Variants in STX11 observed in about 807,000 individuals in gnomAD.
The protein encoded by STX11 is syntaxin-11.
In STX11, 21 loss-of-function variants were observed where a neutral mutation model predicts 19.9. The observed-to-expected ratio is 1.06, with a 90% CI of 0.75 to 1.52. STX11 has a LOEUF of 1.52. Among genes scored for constraint, STX11 ranks in the 40% most tolerant of loss-of-function variants. STX11 has a pLI of 0.00. For missense variants in STX11, 438 were observed against 405.9 expected (o/e 1.08, Z -0.68); for synonymous variants, 193 against 174.4 (o/e 1.11, Z -0.84).
rs768989885 is a variant in STX11, at chr6:144,176,182, A to G, written c.-5-10441A>G. Among the ~76,000 whole-genome samples the G allele has an allele frequency of 9.2e-5, 14 of 151,994 alleles. No individual in the cohort carries two copies. Among genetic ancestry groups the G allele is most frequent in the Admixed American group, 1.3e-4 (2 of 15,282 alleles). On this transcript the variant is annotated intron_variant, in intron 1 of 1. Transcript: ENST00000367568. The surrounding 1 kb of genome is among the most constrained non-coding windows in gnomAD (Gnocchi z 4.1). ...AGAGCAGAGAATATTGCTCCTTAAC[A>G]ACACTAGCGCCTCCCGACCTAGTAC...
chr6:144,179,546 G>A (rs905576719), intron 1 of STX11, among the ~76,000 whole-genome samples: 4 of 152,152 alleles, frequency 2.6e-5, no homozygotes, highest in East Asian at 1.9e-4. Flanking sequence ...CTCTGGTAGC[G>A]GGGATGTGTG....
Position 144,191,834 on chromosome 6 carries a change from G to C in STX11, c.*4343G>C, listed in dbSNP as rs1802213157. Among the ~76,000 whole-genome samples the C allele has an allele frequency of 6.6e-6, 1 of 152,194 alleles. No homozygotes were observed. Among genetic ancestry groups the C allele is most frequent in the Admixed American group, 6.5e-5 (1 of 15,278 alleles). ...TGTAACTTCATCATATAAATGATGA[G>C]TGTCTTTGTTATCAACACGTTATTA... On this transcript the variant is annotated 3_prime_UTR_variant, in exon 2 of 2. Transcript: ENST00000367568.
upstream of STX11, among the ~76,000 whole-genome samples, chr6:144,150,347 G>T (rs1436417195): frequency 6.6e-6 from 1 of 152,220 alleles, no homozygotes; most frequent in African/African-American, 2.4e-5. Flanking sequence ...GGAGGGGCTG[G>T]AGCGCGTCCC....
chr6:144,145,359 T>C, the STX11 span, among the ~76,000 whole-genome samples: 3 of 152,198 alleles, frequency 2.0e-5, no homozygotes, highest in Non-Finnish European at 4.4e-5. Flanking sequence ...GTCAAATTCA[T>C]TGAGGCAGAA....
chr6:144,149,472 A>AT (rs984472265), upstream of STX11, among the ~76,000 whole-genome samples: 2 of 151,474 alleles, frequency 1.3e-5, no homozygotes, highest in African/African-American at 2.4e-5. This position sits in a 1 kb window ranked among gnomAD's most constrained non-coding sequence, Gnocchi z 5.1. Flanking sequence ...CTTTAGTTTT[A>AT]TTTTTTTTCT....
chr6:144,184,545 G>A lies in STX11; in HGVS notation c.-5-2078G>A, dbSNP rs986739897. Among the ~76,000 whole-genome samples the A allele has an allele frequency of 2.6e-5, 4 of 152,196 alleles. No homozygotes were observed. Among genetic ancestry groups the A allele is most frequent in the Middle Eastern group, 3.2e-3 (1 of 316 alleles). ...TTGCATTTCCTTGTTTAATACAGAA[G>A]TCTTTTGTGACTATATTTTTATACT... On this transcript the variant is annotated intron_variant, in intron 1 of 1. Transcript: ENST00000367568. This position sits in a 1 kb window ranked among gnomAD's most constrained non-coding sequence, Gnocchi z 6.5.
At chr6:144,145,883 G>T (rs756766639), upstream of STX11, among the ~76,000 whole-genome samples, 1 of 152,082 alleles carries the variant, frequency 6.6e-6, no homozygotes. Flanking sequence ...GGTGGTGATG[G>T]TTACACCACA....
chr6:144,173,998 C>G (rs138001703), intron 1 of STX11, among the ~76,000 whole-genome samples: 14 of 152,330 alleles, frequency 9.2e-5, no homozygotes, highest in Admixed American at 8.5e-4. Flanking sequence ...GTTTCAAACA[C>G]AACGATTTAT....
In STX11 at chr6:144,180,317, A is replaced by G. The variant is rs1368868055; in HGVS notation, c.-5-6306A>G. ...AGGCATGTTGGGAACAATGACTTTC[A>G]CAATTGTTCTTTGTAGCATCCAGTG... is the stretch of plus-strand genomic sequence containing the variant. On this transcript the variant is annotated intron_variant, in intron 1 of 1. Transcript: ENST00000367568. This position sits in a 1 kb window ranked among gnomAD's most constrained non-coding sequence, Gnocchi z 5.3. Among the ~76,000 whole-genome samples the G allele has an allele frequency of 3.9e-5, 6 of 152,164 alleles. No individual in the cohort carries two copies. Among genetic ancestry groups the G allele is most frequent in the Non-Finnish European group, 8.8e-5 (6 of 68,030 alleles).
chr6:144,155,952 TTCTTTCTTTC>T lies in STX11; in HGVS notation c.-6+5251_-6+5260del. On this transcript the variant is annotated intron_variant, in intron 1 of 1. Coordinates refer to ENST00000367568, the MANE Select transcript of STX11 (RefSeq NM_003764.4). The surrounding 1 kb of genome is among the most constrained non-coding windows in gnomAD (Gnocchi z 4.5). The stretch of plus-strand genomic sequence containing the variant: ...GTTTTAAAATTTAATCTTTCTTTCT[TTCTTTCTTTC>T]TTTCTTTCTTTCTTTCTTTCTTTCT... 2.0e-5 allele frequency among the ~76,000 whole-genome samples: 1 copy of T among 50,372 alleles called. No individual in the cohort carries two copies. The highest frequency in any genetic ancestry group is 7.7e-4 in the South Asian group (1 of 1,292). The allele number at this position is 50,372 out of a possible 152,430, so 33.0% of individuals were successfully genotyped here.
rs1467335199 is a variant in STX11 at position 144,180,137 on chromosome 6, C to A, written c.-5-6486C>A. Among the ~76,000 whole-genome samples the A allele has an allele frequency of 6.6e-6, 1 of 152,176 alleles. No individual in the cohort carries two copies. Among genetic ancestry groups the A allele is most frequent in the Non-Finnish European group, 1.5e-5 (1 of 68,036 alleles). On this transcript the variant is annotated intron_variant, in intron 1 of 1. Coordinates refer to ENST00000367568, the MANE Select transcript of STX11 (RefSeq NM_003764.4). This position sits in a 1 kb window ranked among gnomAD's most constrained non-coding sequence, Gnocchi z 5.3. ...AAATTTCTCACTACTTGTAAAAATACTTTAACATCTTGCTGTGAAACAGGA... is the reference window on the plus strand; with the variant it reads ...AAATTTCTCACTACTTGTAAAAATAATTTAACATCTTGCTGTGAAACAGGA...
chr6:144,141,909 T>A, the STX11 span, among the ~76,000 whole-genome samples: 1 of 152,026 alleles, frequency 6.6e-6, no homozygotes, highest in African/African-American at 2.4e-5. Context: ...TTTGAACTTC[T>A]GGGCTCAAGC....
rs1801522721 is a variant in STX11, at chr6:144,167,799, T to C, written c.-6+17096T>C. ...GCTCTCGGCTAATTATTGTAGTTTG[T>C]TGTAGAGGTGGGGTTTCACCATGTT... On this transcript the variant is annotated intron_variant, in intron 1 of 1. Coordinates refer to ENST00000367568, the MANE Select transcript of STX11 (RefSeq NM_003764.4). This position sits in a 1 kb window ranked among gnomAD's most constrained non-coding sequence, Gnocchi z 5.0. 6.6e-6 allele frequency among the ~76,000 whole-genome samples: 1 copy of C among 152,092 alleles called. No homozygotes were observed. Among genetic ancestry groups the C allele is most frequent in the African/African-American group, 2.4e-5 (1 of 41,398 alleles).
Position 144,187,403 on chromosome 6 carries a change from C to T in STX11, c.776C>T (p.Ala259Val), listed in dbSNP as rs781182049. Residue 259 changes from alanine (A) to valine (V), a missense_variant, in exon 2 of 2, where the codon GCC becomes GTC. Ala to Val is a moderately conservative substitution (Grantham distance 64). Coordinates refer to ENST00000367568, the MANE Select transcript of STX11 (RefSeq NM_003764.4). This position sits in a 1 kb window ranked among gnomAD's most constrained non-coding sequence, Gnocchi z 5.6. ...AAGACGGTCGACTACACCGGCCAGG[C>T]CAAGGCGCAGGTGCGGAAGGCCGTG... Reference protein sequence around the residue: ...VQKTVDYTGQAKAQVRKAVQY... With the variant: ...VQKTVDYTGQVKAQVRKAVQY... The T allele has an allele frequency of 4.3e-6, 7 of 1,611,238 alleles. No individual in the cohort carries two copies. Among genetic ancestry groups the T allele is most frequent in the Non-Finnish European group, 5.9e-6 (7 of 1,179,978 alleles).
At chr6:144,157,464 C>T (rs1801200477) in intron 1 of STX11, among the ~76,000 whole-genome samples, 1 of 152,180 alleles carries the variant, frequency 6.6e-6, no homozygotes, top group African/African-American at 2.4e-5. Context: ...ACATCATTTA[C>T]TACATTTGTA....
Position 144,186,903 on chromosome 6 carries a change from C to A in STX11, c.276C>A (p.Ala92=), listed in dbSNP as rs772510199. 1 of 1,611,402 alleles carries A rather than the reference C, an allele frequency of 6.2e-7. No individual in the cohort carries two copies. Among genetic ancestry groups the A allele is most frequent in the Non-Finnish European group, 8.5e-7 (1 of 1,180,022 alleles). ...GCGACACCAACTCCATCGCCAAGGC[C>A]ATCAAGGCCCGGGGCGAGGTCATCC... ...IKRDTNSIAK[A]IKARGEVIHC... The change falls in exon 2 of 2, where the codon GCC becomes GCA. Residue 92 remains alanine (A), a synonymous_variant. Coordinates refer to ENST00000367568, the MANE Select transcript of STX11 (RefSeq NM_003764.4).
rs1448324190 is a variant in STX11 at position 144,190,217 on chromosome 6, G to A, written c.*2726G>A. On this transcript the variant is annotated 3_prime_UTR_variant, in exon 2 of 2. Transcript: ENST00000367568. ...GTTAGGAGTACAGATTCCAGATCCT[G>A]TTTCTTAGATTTAAATCTTGACTCT... 2.0e-5 allele frequency among the ~76,000 whole-genome samples: 3 copies of A among 152,176 alleles called. No individual in the cohort carries two copies. The highest frequency in any genetic ancestry group is 4.1e-4 in the South Asian group (2 of 4,830).
In STX11 at chr6:144,187,213, G is replaced by C. The variant is rs1258867894; in HGVS notation, c.586G>C (p.Asp196His). ...WDVFSENLLA[D>H]VKGARAALNE... ...CGTGTTTTCCGAGAACTTGCTGGCC[G>C]ACGTGAAGGGCGCGCGGGCCGCCCT... The change falls in exon 2 of 2, where the codon GAC (aspartate) becomes CAC (histidine). Residue 196 changes from aspartate (D) to histidine (H), a missense_variant. Asp to His is a moderately conservative substitution (Grantham distance 81). Coordinates refer to ENST00000367568, the MANE Select transcript of STX11 (RefSeq NM_003764.4). The surrounding 1 kb of genome is among the most constrained non-coding windows in gnomAD (Gnocchi z 5.6). 3.1e-6 allele frequency: 5 copies of C among 1,613,850 alleles called. No individual in the cohort carries two copies. The highest frequency in any genetic ancestry group is 1.3e-5 in the African/African-American group (1 of 74,942).
rs1299621361 is a variant in STX11, at chr6:144,153,306, C to T, written c.-6+2603C>T. ...TTGTACTCCCTGAACTTGGCCCAGG[C>T]TTGTCTCATGATAAGTGTTAGAAAG... On this transcript the variant is annotated intron_variant, in intron 1 of 1. Coordinates refer to ENST00000367568, the MANE Select transcript of STX11 (RefSeq NM_003764.4). This position sits in a 1 kb window ranked among gnomAD's most constrained non-coding sequence, Gnocchi z 5.0. Among the ~76,000 whole-genome samples, 2 of 152,182 alleles carry T rather than the reference C, an allele frequency of 1.3e-5. No individual in the cohort carries two copies. The highest frequency in any genetic ancestry group is 2.4e-5 in the African/African-American group (1 of 41,456).
Sources: gnomAD v4.1 joint callset for allele counts (sites outside exome capture counted in the v4.1 genomes callset) on GRCh38, gnomAD v4.1.1 for gene constraint, Gnocchi (gnomAD v3.1) non-coding constraint, MANE v1.5 for transcripts, NCBI Gene and HGNC (gene_info 2026-07-23, HGNC 2026-07-21) for gene names.